Variants in AP3B1 observed in about 807,000 individuals in gnomAD.
The protein encoded by AP3B1 is adaptor related protein complex 3 subunit beta 1.
AP3B1 carries 61 observed loss-of-function variants against 132.5 expected under a neutral mutation model. That is an observed-to-expected ratio of 0.46 (90% CI 0.37 to 0.57). AP3B1 has a LOEUF of 0.57. Among genes scored for constraint, AP3B1 ranks in the 20% least tolerant of loss-of-function variants. The pLI is 0.00. For synonymous variants in AP3B1, 388 were observed against 438.3 expected (o/e 0.89, Z 1.43); for missense variants, 1,120 against 1,289.4 (o/e 0.87, Z 2.01).
chr5:78,289,489 G>C (rs1043991783), intron 1 of AP3B1, among the ~76,000 whole-genome samples: 1 of 152,086 alleles, frequency 6.6e-6, no homozygotes, highest in Admixed American at 6.5e-5. Context: ...AGCCCACCCC[G>C]ATTTAAACAG....
At position 78,075,121 on chromosome 5, in the gene AP3B1, G is replaced by A. The variant is rs1448444163; in HGVS notation, c.2577+14272C>T. 2.0e-5 allele frequency among the ~76,000 whole-genome samples: 3 copies of A among 152,004 alleles called. No homozygotes were observed. The East Asian group carries it at 5.8e-4, about 29-fold the overall frequency. The stretch of plus-strand genomic sequence containing the variant: ...AAAGTCTAGCACTCTGCCAATATAA[G>A]AGATTGGAAAACAAAACTAAAATAC... On this transcript the variant is annotated intron_variant, in intron 22 of 26. Coordinates refer to ENST00000255194, the MANE Select transcript of AP3B1 (RefSeq NM_003664.5).
chr5:78,245,285 G>C (rs575309187), intron 2 of AP3B1, among the ~76,000 whole-genome samples: 1 of 152,322 alleles, frequency 6.6e-6, no homozygotes, highest in African/African-American at 2.4e-5. Context: ...TGGTTTAAAT[G>C]AATCTCCTTT....
At chr5:78,193,770 A>ATATATATT in intron 7 of AP3B1, among the ~76,000 whole-genome samples, 6 of 67,214 alleles carry the variant, frequency 8.9e-5, no homozygotes, top group African/African-American at 3.1e-4. Context: ...ATATATATAT[A>ATATATATT]TTTTTTTTTT....
chr5:78,104,895 AAAC>A (rs975585262), intron 20 of AP3B1, among the ~76,000 whole-genome samples: 16 of 152,326 alleles, frequency 1.1e-4, no homozygotes, highest in South Asian at 2.1e-4. Flanking sequence ...CCTGAGATAA[AAAC>A]AACTGACAAG....
intron 14 of AP3B1, among the ~76,000 whole-genome samples, chr5:78,144,730 A>C (rs1261485660): frequency 1.3e-5 from 2 of 152,254 alleles, no homozygotes; most frequent in African/African-American, 4.8e-5. Flanking sequence ...CAGTTTTTAC[A>C]GAATAACATC....
In AP3B1 at chr5:78,266,054, T is replaced by C. The variant is rs142346495; in HGVS notation, c.204+1466A>G. The stretch of plus-strand genomic sequence containing the variant: ...CACAGTGACCAATCACTGACAGATT[T>C]TGAAAGAAGTGACATGATTGATCAT... On this transcript the variant is annotated intron_variant, in intron 2 of 26. Transcript: ENST00000255194. 4.9e-3 allele frequency among the ~76,000 whole-genome samples: 743 copies of C among 152,256 alleles called. 3 individuals are homozygous for C. Among genetic ancestry groups the C allele is most frequent in the African/African-American group, 0.017 (688 of 41,564 alleles).
intron 6 of AP3B1, 100 bp from the exon 7 acceptor site, chr5:78,216,337 T>C: frequency 9.3e-7 from 1 of 1,077,300 alleles, no homozygotes; most frequent in Non-Finnish European, 1.4e-6. Context: ...CCAATCAGTA[T>C]TAAAGTATTC....
chr5:78,281,718 G>A (rs990017854), intron 1 of AP3B1, among the ~76,000 whole-genome samples: 17 of 152,270 alleles, frequency 1.1e-4, no homozygotes, highest in African/African-American at 3.1e-4. Flanking sequence ...ATGGGACTCT[G>A]TGTGTATGTA....
Position 78,227,436 on chromosome 5 carries a change from C to G in AP3B1, c.472G>C (p.Ala158Pro), listed in dbSNP as rs1248961529. 6.2e-7 allele frequency: 1 copy of G among 1,613,736 alleles called. No individual in the cohort carries two copies. The highest frequency in any genetic ancestry group is 8.5e-7 in the Non-Finnish European group (1 of 1,179,788). ...VPIMMLAIKE[A>P]SADLSPYVRK... ...ACATATGGTGATAAGTCAGCAGAAG[C>G]TTCCTTAATAGCAAGCATCATGATA... The change falls in exon 5 of 27, where the codon GCT becomes CCT. Residue 158 changes from alanine to proline, a missense_variant. Around this residue, in one of 3 missense-constraint regions of AP3B1, gnomAD observed 129 missense variants for 212.4 expected, o/e 0.61. Transcript: ENST00000255194.
chr5:78,211,589 TTCAAGCATA>T (rs1404116039), intron 7 of AP3B1, among the ~76,000 whole-genome samples: 3 of 152,206 alleles, frequency 2.0e-5, no homozygotes, highest in Non-Finnish European at 1.5e-5. Context: ...TTTGCCACAC[TTCAAGCATA>T]TTAACGTAAA....
rs145328790 is a variant in AP3B1 at position 78,013,122 on chromosome 5, C to A, written c.3131+2288G>T. ...GCAATGGTGTGATCACAGCTCACTACAGCCTTGACCTCCATGGGCTCAGGC... is the reference window on the plus strand; with the variant it reads ...GCAATGGTGTGATCACAGCTCACTAAAGCCTTGACCTCCATGGGCTCAGGC... On this transcript the variant is annotated intron_variant, in intron 26 of 26. Transcript: ENST00000255194. 6.0e-3 allele frequency among the ~76,000 whole-genome samples: 913 copies of A among 152,248 alleles called. 16 individuals carry two copies. Among genetic ancestry groups the A allele is most frequent in the African/African-American group, 0.021 (874 of 41,536 alleles).
intron 22 of AP3B1, among the ~76,000 whole-genome samples, chr5:78,063,748 C>T (rs765468387): frequency 5.3e-5 from 8 of 152,092 alleles, no homozygotes; most frequent in African/African-American, 1.2e-4. Flanking sequence ...TAATATAATA[C>T]GTAGTCTAGT....
chr5:78,136,714 TTC>T (rs1752925320), intron 15 of AP3B1, among the ~76,000 whole-genome samples: 1 of 147,620 alleles, frequency 6.8e-6, no homozygotes, highest in South Asian at 2.1e-4. Flanking sequence ...AAAATTGTAC[TTC>T]TGGTTTTTTT....
At chr5:78,069,918 A>G (rs1008442411) in intron 22 of AP3B1, among the ~76,000 whole-genome samples, 3 of 152,194 alleles carry the variant, frequency 2.0e-5, no homozygotes, top group Non-Finnish European at 4.4e-5. Context: ...GACCAATGGA[A>G]CAAAATGGAG....
In AP3B1 at chr5:78,167,549, C is replaced by T. The variant is rs1178355255; in HGVS notation, c.1168-1877G>A. On this transcript the variant is annotated intron_variant, in intron 11 of 26. Coordinates refer to ENST00000255194, the MANE Select transcript of AP3B1 (RefSeq NM_003664.5). ...AAGATACTTGCACACACGTTTATAG[C>T]AGCACAATTTGCAATGGCAAAAATA... Among the ~76,000 whole-genome samples the T allele has an allele frequency of 2.6e-5, 4 of 151,996 alleles. No individual in the cohort carries two copies. In the East Asian group the frequency reaches 5.8e-4, roughly 22 times the overall value.
At position 78,151,819 on chromosome 5, in the gene AP3B1, C is replaced by CT. The variant is rs532066236; in HGVS notation, c.1473+4438dup. Among the ~76,000 whole-genome samples the CT allele has an allele frequency of 1.4e-3, 201 of 146,620 alleles. 1 individual carries two copies. Among genetic ancestry groups the CT allele is most frequent in the African/African-American group, 4.9e-3 (192 of 39,486 alleles). ...GCTAGACTCTAGTTTTATTTCCTTC[C>CT]TTCCTTCCTTCCCTCCCCTCCCCCT... On this transcript the variant is annotated intron_variant, in intron 14 of 26. Transcript: ENST00000255194.
intron 17 of AP3B1, among the ~76,000 whole-genome samples, chr5:78,125,260 A>G (rs1447502054): frequency 2.0e-5 from 3 of 152,116 alleles, no homozygotes; most frequent in African/African-American, 4.8e-5. Context: ...ATATAAATAT[A>G]TATTATATCC....
chr5:78,233,054 A>G (rs1226985837), intron 3 of AP3B1, among the ~76,000 whole-genome samples: 1 of 152,154 alleles, frequency 6.6e-6, no homozygotes, highest in Non-Finnish European at 1.5e-5. Flanking sequence ...TATAAAATTC[A>G]GGAAACATAA....
chr5:78,232,276 T>C (rs893449848), intron 3 of AP3B1, among the ~76,000 whole-genome samples: 6 of 152,218 alleles, frequency 3.9e-5, no homozygotes, highest in African/African-American at 1.4e-4. Context: ...CTTGGCAACA[T>C]GTAGCCACCA....
Sources: allele counts gnomAD v4.1 joint callset (sites outside exome capture counted in the v4.1 genomes callset), GRCh38; gene constraint gnomAD v4.1.1; regional missense constraint gnomAD v4.1.1; transcripts MANE v1.5; gene names NCBI Gene and HGNC (gene_info 2026-07-23, HGNC 2026-07-21).